Variants in ZDHHC21 observed in about 807,000 individuals in gnomAD.
ZDHHC21 encodes palmitoyltransferase ZDHHC21.
A neutral mutation model predicts 34.6 loss-of-function variants in ZDHHC21; 15 were observed. That is an observed-to-expected ratio of 0.43 (90% CI 0.29 to 0.67). The LOEUF is 0.67. ZDHHC21 is among the 30% of genes least tolerant of loss of function. The pLI, the probability that ZDHHC21 is intolerant of heterozygous loss-of-function variation, is 0.14. For missense variants in ZDHHC21, 344 were observed against 327.7 expected, an observed-to-expected ratio of 1.05 and a Z score of -0.38; for synonymous variants, 142 against 101.8, an observed-to-expected ratio of 1.40 and a Z score of -2.38.
At chr9:14,633,716 A>C (rs536713823) in intron 8 of ZDHHC21, among the ~76,000 whole-genome samples, 1 of 152,230 alleles carries the variant, frequency 6.6e-6, no homozygotes, top group South Asian at 2.1e-4. Flanking sequence ...CCCAGCAGCA[A>C]ATCCAGGGTG....
At chr9:14,633,964 T>C (rs1334360508) in intron 8 of ZDHHC21, among the ~76,000 whole-genome samples, 1 of 152,152 alleles carries the variant, frequency 6.6e-6, no homozygotes, top group African/African-American at 2.4e-5. Context: ...ACTGGGTGAA[T>C]GTACCACCAG....
In ZDHHC21 at chr9:14,674,417, TAC is replaced by T. The variant is rs1835989956; in HGVS notation, c.-45-34_-45-33del. 2.8e-6 allele frequency: 4 copies of T among 1,415,584 alleles called. No individual in the cohort carries two copies. In the South Asian group the frequency reaches 5.8e-5, roughly 21 times the overall value. The allele number at this position is 1,415,584 out of a possible 1,614,324, so 87.7% of individuals were successfully genotyped here. The stretch of plus-strand genomic sequence containing the variant: ...AGAAGGAACAAAGAAAATAATTACT[TAC>T]ATAGAAAAATTTGACTAAAACCTGT... On this transcript the variant is annotated intron_variant, in intron 3 of 9. Coordinates refer to ENST00000380916, the MANE Select transcript of ZDHHC21 (RefSeq NM_178566.6).
At position 14,672,943 on chromosome 9, in the gene ZDHHC21, A is replaced by G; in HGVS notation, c.155-15T>C. Reference sequence around the variant, plus strand: ...GCCATAGAATACTTTAAAATAAATAAATTAAATAAATTAGTCACTTACCCT... The same window carrying G: ...GCCATAGAATACTTTAAAATAAATAGATTAAATAAATTAGTCACTTACCCT... On this transcript the variant is annotated splice_polypyrimidine_tract_variant and intron_variant, in intron 4 of 9. Transcript: ENST00000380916. 7.0e-7 allele frequency: 1 copy of G among 1,438,434 alleles called. No individual in the cohort carries two copies. The highest frequency in any genetic ancestry group is 9.5e-7 in the Non-Finnish European group (1 of 1,052,256). 89.1% of individuals were successfully genotyped at this position (1,438,434 alleles called of 1,614,324 possible).
chr9:14,603,110 A>G, the ZDHHC21 span, among the ~76,000 whole-genome samples: 3 of 152,208 alleles, frequency 2.0e-5, no homozygotes, highest in Non-Finnish European at 4.4e-5. Context: ...CATATTTTGA[A>G]TATGTTGATA....
rs948162081 is a variant in ZDHHC21, at chr9:14,684,208, T to G, written c.-175-4046A>C. Among the ~76,000 whole-genome samples the G allele has an allele frequency of 2.0e-4, 30 of 150,790 alleles. No homozygotes were observed. In the East Asian group the frequency reaches 2.6e-3, roughly 13 times the overall value. On this transcript the variant is annotated intron_variant, in intron 2 of 9. Transcript: ENST00000380916. The stretch of plus-strand genomic sequence containing the variant: ...TGTTGGAAGTTCTGGCCAGGGCAAT[T>G]AGGCAGGAGAAGGAAATAAAGGGTA...
At position 14,640,028 on chromosome 9, in the gene ZDHHC21, A is replaced by C. The variant is rs1277826546; in HGVS notation, c.505-16T>G. ...CAAAGAGGTCCTAAAAAGAAAAAGA[A>C]AGTCTTAAAAACCATTCAGAGTTGC... is the stretch of plus-strand genomic sequence containing the variant. On this transcript the variant is annotated splice_polypyrimidine_tract_variant and intron_variant, in intron 7 of 9. Transcript: ENST00000380916. 6.5e-7 allele frequency: 1 copy of C among 1,530,462 alleles called. No homozygotes were observed. Among genetic ancestry groups the C allele is most frequent in the Admixed American group, 1.8e-5 (1 of 54,768 alleles). 94.8% of individuals were successfully genotyped at this position (1,530,462 alleles called of 1,614,324 possible).
downstream of ZDHHC21, among the ~76,000 whole-genome samples, chr9:14,606,393 G>A (rs1823016210): frequency 6.6e-6 from 1 of 152,208 alleles, no homozygotes; most frequent in Admixed American, 6.5e-5. Context: ...AAAGTTATAT[G>A]TAGAGGTCCA....
the ZDHHC21 span, among the ~76,000 whole-genome samples, chr9:14,594,531 T>A: frequency 3.9e-5 from 6 of 152,244 alleles, no homozygotes; most frequent in East Asian, 1.2e-3. Flanking sequence ...ACTTAGACCC[T>A]CACTTCACAG....
chr9:14,643,748 T>C (rs991910741), intron 7 of ZDHHC21, among the ~76,000 whole-genome samples: 1 of 152,224 alleles, frequency 6.6e-6, no homozygotes, highest in African/African-American at 2.4e-5. Flanking sequence ...ACTTTTTGTA[T>C]ATGAATATTC....
At chr9:14,621,682 G>A (rs1415663894) in intron 8 of ZDHHC21, among the ~76,000 whole-genome samples, 1 of 151,838 alleles carries the variant, frequency 6.6e-6, no homozygotes, top group Non-Finnish European at 1.5e-5. Context: ...TTGTATTTTA[G>A]CAACCAAACA....
chr9:14,663,021 C>A (rs1833685839), intron 5 of ZDHHC21, among the ~76,000 whole-genome samples: 1 of 152,150 alleles, frequency 6.6e-6, no homozygotes, highest in East Asian at 1.9e-4. Flanking sequence ...CACCAACTAG[C>A]AATTTCCTCT....
chr9:14,679,962 A>AT (rs1327076414), intron 3 of ZDHHC21, 71 bp downstream of exon 3: 1 of 152,570 alleles, frequency 6.6e-6, no homozygotes, highest in African/African-American at 2.4e-5. Flanking sequence ...GCATCTAAGC[A>AT]TAAGACTCCA....
chr9:14,647,118 T>C (rs1463854847), intron 7 of ZDHHC21, among the ~76,000 whole-genome samples: 1 of 152,130 alleles, frequency 6.6e-6, no homozygotes, highest in Non-Finnish European at 1.5e-5. Flanking sequence ...AGGCAACATG[T>C]ACATAAACAT....
intron 7 of ZDHHC21, among the ~76,000 whole-genome samples, chr9:14,645,636 A>T (rs1446954139): frequency 6.6e-6 from 1 of 152,106 alleles, no homozygotes; most frequent in Non-Finnish European, 1.5e-5. Flanking sequence ...TTACCAAAAA[A>T]TGCCATTAAG....
At position 14,619,676 on chromosome 9, in the gene ZDHHC21, T is replaced by C. The variant is rs1462906977; in HGVS notation, c.628A>G (p.Thr210Ala). The stretch of plus-strand genomic sequence containing the variant: ...CAGTTTGACATCTTTTCAATAGATG[T>C]TGTATCCTATTAAAAATAAAAAATT... The part of the protein sequence containing the change: ...TQLIGIITDT[T>A]SIEKMSNCCE... Residue 210 changes from threonine (T) to alanine (A), a missense_variant, in exon 9 of 10, where the codon ACA becomes GCA. Physicochemically the swap from Thr to Ala is moderately conservative, Grantham distance 58. Transcript: ENST00000380916. 1.4e-6 allele frequency: 2 copies of C among 1,383,536 alleles called. No homozygotes were observed. The highest frequency in any genetic ancestry group is 2.1e-5 in the Admixed American group (1 of 47,478). The allele number at this position is 1,383,536 out of a possible 1,614,324, so 85.7% of individuals were successfully genotyped here. A position where few individuals can be genotyped will look rare whatever the true frequency, so the allele number is the denominator to read the frequency against.
chr9:14,594,349 T>C, the ZDHHC21 span: 3 of 152,194 alleles, frequency 2.0e-5, no homozygotes, highest in Non-Finnish European at 2.9e-5. Flanking sequence ...CAGAGTGGTA[T>C]TGTTATAACG....
chr9:14,655,010 T>C (rs938643704), intron 7 of ZDHHC21, among the ~76,000 whole-genome samples: 1 of 151,914 alleles, frequency 6.6e-6, no homozygotes, highest in Admixed American at 6.6e-5. Flanking sequence ...CAAAGTTACA[T>C]AAACTCTCCA....
the ZDHHC21 span, among the ~76,000 whole-genome samples, chr9:14,597,529 C>T: frequency 2.6e-5 from 4 of 152,108 alleles, no homozygotes; most frequent in African/African-American, 9.7e-5. Flanking sequence ...GCAGAGTCAC[C>T]GCACACCTGC....
At chr9:14,685,117 C>T (rs1288025926) in intron 2 of ZDHHC21, among the ~76,000 whole-genome samples, 1 of 151,886 alleles carries the variant, frequency 6.6e-6, no homozygotes, top group African/African-American at 2.4e-5. Context: ...AAAACCTAGG[C>T]AATACCATTC....
Sources: allele counts gnomAD v4.1 joint callset (sites outside exome capture counted in the v4.1 genomes callset), GRCh38; gene constraint gnomAD v4.1.1; transcripts MANE v1.5; gene names NCBI Gene and HGNC (gene_info 2026-07-23, HGNC 2026-07-21).